POLR3A: variants seen among roughly 807,000 people sequenced by gnomAD.
The protein encoded by POLR3A is DNA-directed RNA polymerase III subunit RPC1.
POLR3A carries 112 observed loss-of-function variants against 152.8 expected under a neutral mutation model. The observed-to-expected ratio is 0.73, with a 90% confidence interval of 0.63 to 0.86. The LOEUF is 0.86. Ranked by LOEUF, POLR3A falls within the 40% of genes least tolerant of loss-of-function variation. The pLI, the probability that POLR3A is intolerant of heterozygous loss-of-function variation, is 0.00. For synonymous variants in POLR3A, 615 were observed against 652.1 expected, an observed-to-expected ratio of 0.94 and a Z score of 0.87; for missense variants, 1,385 against 1,743.1, an observed-to-expected ratio of 0.79 and a Z score of 3.66.
chr10:77,994,755 G>A (rs1390071516), intron 19 of POLR3A, among the ~76,000 whole-genome samples: 1 of 152,196 alleles, frequency 6.6e-6, no homozygotes, highest in Non-Finnish European at 1.5e-5. Context: ...TTATCCAGGA[G>A]AACTTCCCCA....
intron 30 of POLR3A, among the ~76,000 whole-genome samples, chr10:77,978,660 G>GGTTT (rs1554837283): frequency 1.0e-4 from 14 of 135,724 alleles, no homozygotes; most frequent in African/African-American, 3.3e-4. Flanking sequence ...CTTCATGCTA[G>GGTTT]TTTTTTTTTT....
At chr10:78,019,411 G>C in intron 8 of POLR3A, 146 bp from the exon 9 acceptor site, 1 of 673,030 alleles carries the variant, frequency 1.5e-6, no homozygotes, top group Non-Finnish European at 2.7e-6. Flanking sequence ...CTATGGTCTT[G>C]AGTATAATGT....
chr10:78,003,747 AC>A (rs1211825295), intron 16 of POLR3A, among the ~76,000 whole-genome samples: 9 of 150,524 alleles, frequency 6.0e-5, no homozygotes, highest in Non-Finnish European at 1.2e-4. Context: ...ACATGGCAAA[AC>A]CCCGCCTCTA....
intron 30 of POLR3A, among the ~76,000 whole-genome samples, chr10:77,979,927 A>G (rs952213113): frequency 6.6e-6 from 1 of 152,218 alleles, no homozygotes; most frequent in African/African-American, 2.4e-5. Flanking sequence ...TGACAGAGGG[A>G]AGTCATCCAA....
At position 77,976,733 on chromosome 10, in the gene POLR3A, G is replaced by C. The variant is rs1173117882; in HGVS notation, c.*745C>G. On this transcript the variant is annotated 3_prime_UTR_variant, in exon 31 of 31. Coordinates refer to ENST00000372371, the MANE Select transcript of POLR3A (RefSeq NM_007055.4). The stretch of plus-strand genomic sequence containing the variant: ...GAGAATGGGTTTGGCTCTTGTCACA[G>C]GGTAGAGCCCCATGATAGGGGTCTG... 5.2e-5 allele frequency: 8 copies of C among 152,436 alleles called. No homozygotes were observed. In the East Asian group the frequency reaches 1.3e-3, roughly 26 times the overall value. 9.4% of individuals were successfully genotyped at this position (152,436 alleles called of 1,614,324 possible).
chr10:78,009,219 C>G (rs563810992), intron 14 of POLR3A, among the ~76,000 whole-genome samples: 5 of 151,698 alleles, frequency 3.3e-5, no homozygotes, highest in South Asian at 4.1e-4. Context: ...TATTGCCCCC[C>G]CCGCCGCCAA....
At chr10:78,009,457 G>A in intron 14 of POLR3A, 80 bp downstream of exon 14, 1 of 1,588,586 alleles carries the variant, frequency 6.3e-7, no homozygotes, top group Non-Finnish European at 8.6e-7. Context: ...GCTTCGCGAA[G>A]GTACCAGCAA....
chr10:77,980,508 G>A (rs1034600919), intron 29 of POLR3A, among the ~76,000 whole-genome samples: 2 of 151,628 alleles, frequency 1.3e-5, no homozygotes, highest in African/African-American at 4.9e-5. Context: ...GAAGAATTGA[G>A]AACTAGAATT....
intron 19 of POLR3A, among the ~76,000 whole-genome samples, chr10:77,995,508 A>G: frequency 6.6e-6 from 1 of 152,216 alleles, no homozygotes; most frequent in Non-Finnish European, 1.5e-5. Context: ...AGGGGTGGCA[A>G]TCCTAGTCTC....
In POLR3A at chr10:77,996,019, G is replaced by A. The variant is rs1409250851; in HGVS notation, c.2617-2652C>T. On this transcript the variant is annotated intron_variant, in intron 19 of 30. Coordinates refer to ENST00000372371, the MANE Select transcript of POLR3A (RefSeq NM_007055.4). ...AGGATTAAGAAACTCACTCAAAACC[G>A]CTCAACTACATGGAAACTGAACAAC... Among the ~76,000 whole-genome samples the A allele has an allele frequency of 3.6e-4, 54 of 152,062 alleles. 1 individual carries two copies. The South Asian group carries it at 9.4e-3, about 26-fold the overall frequency.
At chr10:78,019,658 G>A (rs1181079918) in intron 8 of POLR3A, 6 of 290,026 alleles carry the variant, frequency 2.1e-5, no homozygotes, top group Non-Finnish European at 3.4e-5. Flanking sequence ...ACAAGCCCTG[G>A]TCTGCATTGA....
At chr10:77,978,497 C>T (rs1032595958) in intron 30 of POLR3A, among the ~76,000 whole-genome samples, 14 of 152,074 alleles carry the variant, frequency 9.2e-5, no homozygotes, top group Admixed American at 1.3e-4. Context: ...CGCAGAGCTG[C>T]GGCAAAGGCC....
rs1420670406 is a variant in POLR3A at position 77,993,343 on chromosome 10, CTTCAAGAGAT to C, written c.2631_2640del (p.Ser878IlefsTer8). The C allele has an allele frequency of 3.7e-6, 6 of 1,613,736 alleles. No individual in the cohort carries two copies. The highest frequency in any genetic ancestry group is 1.7e-5 in the Admixed American group (1 of 59,994). On this transcript the variant is annotated frameshift_variant, in exon 20 of 31. Coordinates refer to ENST00000372371, the MANE Select transcript of POLR3A (RefSeq NM_007055.4). LOFTEE classifies it high-confidence loss of function. ...GTCAGATCATACTGGGAGCAAAGAT[CTTCAAGAGAT>C]TTGACAAGCCTTCGCTAAAGGAAAA...
In POLR3A at chr10:78,009,653, T is replaced by C; in HGVS notation, c.1793A>G (p.Lys598Arg). The C allele has an allele frequency of 6.2e-7, 1 of 1,614,178 alleles. No individual in the cohort carries two copies. Among genetic ancestry groups the C allele is most frequent in the Non-Finnish European group, 8.5e-7 (1 of 1,180,028 alleles). ...CCTGAGGATGACACTGAAGATCTGC[T>C]TTCCCGTCCACAGGGTGACAGGCTG... ...ILKPVTLWTG[K>R]QIFSVILRPS... is the part of the protein sequence containing the mutation. Residue 598 changes from lysine to arginine, a missense_variant, in exon 14 of 31, where the codon AAG becomes AGG. By Grantham distance (26) the Lys-to-Arg change is conservative (BLOSUM62 2). Transcript: ENST00000372371.
At chr10:78,013,415 G>C in intron 11 of POLR3A, 1 of 530,840 alleles carries the variant, frequency 1.9e-6, no homozygotes, top group South Asian at 2.1e-5. Context: ...TCCCCTCAAC[G>C]CATCTGTTAC....
intron 19 of POLR3A, among the ~76,000 whole-genome samples, chr10:77,994,107 A>G (rs1358386150): frequency 6.6e-6 from 1 of 152,266 alleles, no homozygotes; most frequent in Admixed American, 6.5e-5. Context: ...AAGAGTGGTA[A>G]AAGTATTTCA....
intron 13 of POLR3A, 75 bp from the exon 14 acceptor site, chr10:78,009,750 C>T (rs1440485708): frequency 1.1e-5 from 17 of 1,612,248 alleles, no homozygotes; most frequent in African/African-American, 5.3e-5. Flanking sequence ...CGAAGCCAGG[C>T]GGCCTAGGGA....
intron 27 of POLR3A, 148 bp downstream of exon 27, chr10:77,982,503 CAG>C: frequency 1.1e-6 from 1 of 886,896 alleles, no homozygotes; most frequent in East Asian, 2.6e-5. Context: ...TTTGATAGAA[CAG>C]AGAGGAATCT....
At chr10:77,998,222 G>C (rs1030207218) in intron 19 of POLR3A, among the ~76,000 whole-genome samples, 2 of 151,456 alleles carry the variant, frequency 1.3e-5, no homozygotes, top group African/African-American at 4.9e-5. Flanking sequence ...CTAGGCAATA[G>C]CATTCAGGAC....
Sources: gnomAD v4.1 joint callset for allele counts (sites outside exome capture counted in the v4.1 genomes callset) on GRCh38, gnomAD v4.1.1 for gene constraint, MANE v1.5 for transcripts, NCBI Gene and HGNC (gene_info 2026-07-23, HGNC 2026-07-21) for gene names.